SPG11: variants seen among roughly 807,000 people sequenced by gnomAD.
SPG11 encodes the protein spatacsin.
SPG11 carries 222 observed loss-of-function variants against 274.0 expected under a neutral mutation model. That is an observed-to-expected ratio of 0.81 (90% CI 0.73 to 0.91). The LOEUF is 0.91. SPG11 is among the 40% of genes least tolerant of loss of function. The probability of loss-of-function intolerance (pLI) is 0.00; values close to 1 mark genes in which losing one functional copy is unlikely to be tolerated. For synonymous variants in SPG11, 1,144 were observed against 1,039.7 expected, an observed-to-expected ratio of 1.10 and a Z score of -1.93; for missense variants, 3,114 against 2,872.7, an observed-to-expected ratio of 1.08 and a Z score of -1.92.
chr15:44,597,034 A>G, intron 23 of SPG11, 91 bp from the exon 24 acceptor site: 1 of 1,264,436 alleles, frequency 7.9e-7, no homozygotes, highest in Non-Finnish European at 1.1e-6. Context: ...ATGAGTAAAA[A>G]TGATATAAAT....
At chr15:44,632,222 T>C (rs535148481) in intron 8 of SPG11, among the ~76,000 whole-genome samples, 3 of 152,308 alleles carry the variant, frequency 2.0e-5, no homozygotes, top group African/African-American at 7.2e-5. Context: ...TCTCCCAATG[T>C]CAGAAGACCA....
chr15:44,604,233 T>TA, intron 20 of SPG11: 1 of 384,676 alleles, frequency 2.6e-6, no homozygotes, highest in Non-Finnish European at 5.1e-6. Context: ...ACCCTGGAGG[T>TA]ATCTGTCATC....
In SPG11 at chr15:44,659,194, T is replaced by A. The variant is rs750423845; in HGVS notation, c.552A>T (p.Ala184=). The change falls in exon 3 of 40, where the codon GCA becomes GCT. Residue 184 remains alanine, a synonymous_variant. Transcript: ENST00000261866. ...GTGTGAAACAGTTGAGTACTCTAAT[T>A]GCAGCATCTCTTTCAGGAAATATAA... The part of the protein sequence containing the change: ...LHIIFPERDA[A]IRVLNCFTLP... 1.2e-6 allele frequency: 2 copies of A among 1,614,208 alleles called. No homozygotes were observed. The highest frequency in any genetic ancestry group is 2.2e-5 in the East Asian group (1 of 44,882).
chr15:44,629,622 C>T (rs1333441706), intron 8 of SPG11, among the ~76,000 whole-genome samples: 1 of 152,162 alleles, frequency 6.6e-6, no homozygotes, highest in Non-Finnish European at 1.5e-5. Context: ...TGCTGACCAC[C>T]TACATCTTAA....
chr15:44,628,611 G>C, intron 10 of SPG11, 58 bp downstream of exon 10: 1 of 1,463,920 alleles, frequency 6.8e-7, no homozygotes, highest in Non-Finnish European at 9.5e-7. Context: ...TCTTTCTATT[G>C]TTTTCTCAGA....
At chr15:44,630,768 T>C (rs919833750) in intron 8 of SPG11, among the ~76,000 whole-genome samples, 1 of 152,082 alleles carries the variant, frequency 6.6e-6, no homozygotes, top group African/African-American at 2.4e-5. Context: ...TTAGTAGAAA[T>C]GGGGTTTCAC....
At chr15:44,654,750 C>T (rs558114029) in intron 4 of SPG11, among the ~76,000 whole-genome samples, 3 of 151,992 alleles carry the variant, frequency 2.0e-5, no homozygotes, top group Admixed American at 6.6e-5. Context: ...ACAGGAGAAT[C>T]GCTTGAACCC....
rs200645188 is a variant in SPG11, at chr15:44,584,036, T to A, written c.5644A>T (p.Ile1882Phe). The A allele has an allele frequency of 6.2e-7, 1 of 1,614,218 alleles. No homozygotes were observed. The highest frequency in any genetic ancestry group is 8.5e-7 in the Non-Finnish European group (1 of 1,180,030). ...WKEQESLNFL[I>F]GRLLDDGCVH... ...CAGCCATCATCCAGTAGGCGCCCAA[T>A]CAAAAAGTTTAGTGACTCCTGCTCT... is the stretch of plus-strand genomic sequence containing the variant. The change falls in exon 30 of 40, where the codon ATT (isoleucine) becomes TTT (phenylalanine). Residue 1882 changes from isoleucine (I) to phenylalanine (F), a missense_variant. Transcript: ENST00000261866.
chr15:44,586,071 A>G (rs1331678904), intron 28 of SPG11, among the ~76,000 whole-genome samples: 1 of 138,236 alleles, frequency 7.2e-6, no homozygotes, highest in Non-Finnish European at 1.5e-5. Context: ...TGCAACCTGC[A>G]CCTCCTGGGT....
intron 27 of SPG11, among the ~76,000 whole-genome samples, chr15:44,591,549 C>T (rs1240573782): frequency 6.6e-6 from 1 of 152,108 alleles, no homozygotes; most frequent in Non-Finnish European, 1.5e-5. Context: ...GGGAGGTAGC[C>T]AACTGGCCAT....
chr15:44,589,049 A>G (rs1165384495), intron 28 of SPG11, among the ~76,000 whole-genome samples: 1 of 152,188 alleles, frequency 6.6e-6, no homozygotes, highest in Non-Finnish European at 1.5e-5. Context: ...ATGATTGGTT[A>G]TATCATTTAT....
intron 7 of SPG11, among the ~76,000 whole-genome samples, chr15:44,641,602 C>A (rs2084442293): frequency 6.7e-6 from 1 of 148,982 alleles, no homozygotes; most frequent in African/African-American, 2.5e-5. Context: ...CACACACACA[C>A]ACACACACAC....
At chr15:44,593,366 A>G (rs1257256984) in intron 26 of SPG11, among the ~76,000 whole-genome samples, 1 of 151,802 alleles carries the variant, frequency 6.6e-6, no homozygotes, top group East Asian at 1.9e-4. Flanking sequence ...TAGTTTTTGT[A>G]TTTTTTGTAG....
chr15:44,598,208 A>G, intron 23 of SPG11, 57 bp downstream of exon 23: 2 of 1,333,144 alleles, frequency 1.5e-6, no homozygotes, highest in Non-Finnish European at 2.2e-6. Flanking sequence ...AACTAGGCAA[A>G]CACAGGTTGG....
intron 16 of SPG11, among the ~76,000 whole-genome samples, chr15:44,614,248 C>A (rs1329948546): frequency 2.0e-5 from 3 of 151,850 alleles, no homozygotes; most frequent in Non-Finnish European, 4.4e-5. Context: ...TTTTTTGAGA[C>A]CGGGTCTCAC....
intron 7 of SPG11, among the ~76,000 whole-genome samples, chr15:44,640,568 G>A (rs1241264843): frequency 6.6e-6 from 1 of 151,980 alleles, no homozygotes; most frequent in Non-Finnish European, 1.5e-5. Flanking sequence ...GAAGAATAAG[G>A]GAATTTGTCC....
intron 36 of SPG11, among the ~76,000 whole-genome samples, chr15:44,566,761 G>A (rs189830145): frequency 4.5e-4 from 68 of 152,238 alleles, no homozygotes; most frequent in Middle Eastern, 3.4e-3. Context: ...TGCAATGGGC[G>A]CGATCTTGGC....
chr15:44,586,942 A>C (rs1357285752), intron 28 of SPG11, among the ~76,000 whole-genome samples: 3 of 152,250 alleles, frequency 2.0e-5, no homozygotes, highest in Non-Finnish European at 4.4e-5. Context: ...CACTGTATTC[A>C]GAATGAAGCA....
intron 19 of SPG11, 187 bp from the exon 20 acceptor site, chr15:44,606,278 T>C: frequency 1.8e-6 from 1 of 547,366 alleles, no homozygotes; most frequent in Non-Finnish European, 3.3e-6. Context: ...TCTTTATATC[T>C]TAATTAAAAC....
Sources: gnomAD v4.1 joint callset for allele counts (sites outside exome capture counted in the v4.1 genomes callset) on GRCh38, gnomAD v4.1.1 for gene constraint, MANE v1.5 for transcripts, NCBI Gene and HGNC (gene_info 2026-07-23, HGNC 2026-07-21) for gene names.